Variants in CLEC16A observed in about 807,000 individuals in gnomAD.
The protein encoded by CLEC16A is C-type lectin domain containing 16A, also known as protein CLEC16A.
In CLEC16A, 51 loss-of-function variants were observed where a neutral mutation model predicts 109.5. That is an observed-to-expected ratio of 0.47 (90% CI 0.37 to 0.59). The LOEUF (loss-of-function observed/expected upper bound fraction) is 0.59. Ranked by LOEUF, CLEC16A falls within the 20% of genes least tolerant of loss-of-function variation. The pLI, the probability that CLEC16A is intolerant of heterozygous loss-of-function variation, is 0.00. For synonymous variants in CLEC16A, 673 were observed against 564.2 expected (o/e 1.19, Z -2.73); for missense variants, 1,339 against 1,394.0 (o/e 0.96, Z 0.63).
intron 17 of CLEC16A, among the ~76,000 whole-genome samples, chr16:11,050,783 A>G (rs550918427): frequency 6.6e-6 from 1 of 152,330 alleles, no homozygotes; most frequent in African/African-American, 2.4e-5. Flanking sequence ...GTCCAGCAGG[A>G]GGTGATCCCA....
At chr16:11,053,014 G>A (rs1006041150) in intron 18 of CLEC16A, among the ~76,000 whole-genome samples, 1 of 151,380 alleles carries the variant, frequency 6.6e-6, no homozygotes, top group Non-Finnish European at 1.5e-5. Context: ...CCACCTCAGC[G>A]TCGGTAGCTG....
chr16:11,133,149 G>A (rs745361876), intron 22 of CLEC16A, among the ~76,000 whole-genome samples: 23 of 152,080 alleles, frequency 1.5e-4, no homozygotes, highest in African/African-American at 4.6e-4. Context: ...GACCAGCCTG[G>A]CCGACATGGC....
chr16:11,014,424 T>G (rs1301397659), intron 11 of CLEC16A, among the ~76,000 whole-genome samples: 1 of 152,234 alleles, frequency 6.6e-6, no homozygotes, highest in African/African-American at 2.4e-5. Context: ...CATGTGCAGT[T>G]GCATACTTCC....
chr16:11,137,334 T>C (rs1279743939), intron 22 of CLEC16A, among the ~76,000 whole-genome samples: 2 of 152,124 alleles, frequency 1.3e-5, no homozygotes, highest in Admixed American at 6.6e-5. Context: ...ATTCTGTATG[T>C]AAGTTGATAA....
At chr16:11,139,904 C>T (rs2053744081) in intron 22 of CLEC16A, among the ~76,000 whole-genome samples, 2 of 152,196 alleles carry the variant, frequency 1.3e-5, no homozygotes, top group Admixed American at 6.5e-5. Context: ...GTGCTAGGCA[C>T]TGGGCTAGGT....
At chr16:10,977,114 A>C in intron 7 of CLEC16A, 111 bp from the exon 8 acceptor site, 1 of 989,650 alleles carries the variant, frequency 1.0e-6, no homozygotes, top group South Asian at 1.5e-5. Flanking sequence ...TCTTGAGACT[A>C]ACTCAAATAT....
chr16:11,132,024 G>C (rs1458134116), intron 22 of CLEC16A, among the ~76,000 whole-genome samples: 2 of 152,200 alleles, frequency 1.3e-5, no homozygotes, highest in Non-Finnish European at 2.9e-5. Context: ...CCTTCCCTGA[G>C]TGCCCAGGTC....
rs745981827 is a variant in CLEC16A at position 10,982,893 on chromosome 16, C to T, written c.973C>T (p.His325Tyr). ...YLLSQVFLII[H>Y]HAPLVNSLAE... ...TTTCCGCCAGGTCTTCTTAATTATA[C>T]ATCATGCACCGCTGGTGAACTCGTT... The change falls in exon 10 of 24, where the codon CAT (histidine) becomes TAT (tyrosine). Residue 325 changes from histidine (H) to tyrosine (Y), a missense_variant. This residue lies in a region of CLEC16A where 1,061 missense variants were observed against 1,006.8 expected (regional missense o/e 1.05). Coordinates refer to ENST00000409790, the MANE Select transcript of CLEC16A (RefSeq NM_015226.3). 1.3e-6 allele frequency: 2 copies of T among 1,599,512 alleles called. No individual in the cohort carries two copies. The highest frequency in any genetic ancestry group is 1.7e-6 in the Non-Finnish European group (2 of 1,167,612).
At chr16:11,135,288 G>A (rs1446177836) in intron 22 of CLEC16A, among the ~76,000 whole-genome samples, 1 of 152,122 alleles carries the variant, frequency 6.6e-6, no homozygotes, top group Admixed American at 6.5e-5. Flanking sequence ...AGCAGCTGTG[G>A]AGAGAGAGAG....
chr16:11,092,754 G>T (rs77766282), intron 19 of CLEC16A, among the ~76,000 whole-genome samples: 3,327 of 152,296 alleles, frequency 0.022, 78 homozygotes, highest in Middle Eastern at 0.14. Flanking sequence ...TGAGGACTGG[G>T]TCTGTCGTCT....
At position 11,181,263 on chromosome 16, in the gene CLEC16A, A is replaced by G. The variant is rs997331911; in HGVS notation, c.*2573A>G. 1 of 152,194 alleles carries G rather than the reference A, an allele frequency of 6.6e-6. No homozygotes were observed. The highest frequency in any genetic ancestry group is 1.5e-5 in the Non-Finnish European group (1 of 68,106). 9.4% of individuals were successfully genotyped at this position (152,194 alleles called of 1,614,324 possible). On this transcript the variant is annotated 3_prime_UTR_variant, in exon 24 of 24. Transcript: ENST00000409790. ...TAGCTGGGGCGCTCCCAGACAGGCC[A>G]GTCCAGACAGGACACGCTGGGCCCC...
intron 19 of CLEC16A, among the ~76,000 whole-genome samples, chr16:11,073,700 C>T (rs2049194620): frequency 6.6e-6 from 1 of 152,194 alleles, no homozygotes; most frequent in Non-Finnish European, 1.5e-5. Context: ...GGATGGCCCT[C>T]CCAGCCTCCT....
Position 11,132,169 on chromosome 16 carries a change from G to A in CLEC16A, c.2641+6023G>A, listed in dbSNP as rs913202931. ...GATTGTGCCATCATCCTCTCCTCTA[G>A]TTCCAAAACATTTCCATCCCCTCAA... On this transcript the variant is annotated intron_variant, in intron 22 of 23. Coordinates refer to ENST00000409790, the MANE Select transcript of CLEC16A (RefSeq NM_015226.3). 1.5e-4 allele frequency among the ~76,000 whole-genome samples: 23 copies of A among 151,904 alleles called. No individual in the cohort carries two copies. The East Asian group carries it at 4.5e-3, about 29-fold the overall frequency.
At chr16:11,056,287 G>A (rs2152893912) in intron 18 of CLEC16A, among the ~76,000 whole-genome samples, 1 of 152,328 alleles carries the variant, frequency 6.6e-6, no homozygotes, top group South Asian at 2.1e-4. Context: ...TCCCTCGTGG[G>A]TCTTGCCTCT....
At chr16:10,991,634 C>T (rs958881508) in intron 10 of CLEC16A, among the ~76,000 whole-genome samples, 5 of 152,092 alleles carry the variant, frequency 3.3e-5, no homozygotes, top group Admixed American at 1.3e-4. Context: ...GGAACCTCTT[C>T]GTCTTTGTGT....
At chr16:11,160,090 G>A (rs1193522752) in intron 22 of CLEC16A, among the ~76,000 whole-genome samples, 1 of 152,090 alleles carries the variant, frequency 6.6e-6, no homozygotes, top group Non-Finnish European at 1.5e-5. Context: ...TATAATCTCA[G>A]GTAGTTTTCA....
At chr16:10,979,043 G>A (rs978292474) in intron 8 of CLEC16A, among the ~76,000 whole-genome samples, 2 of 152,032 alleles carry the variant, frequency 1.3e-5, no homozygotes. Flanking sequence ...ACAAATGAAC[G>A]TGCTTGGTAA....
In CLEC16A at chr16:11,090,255, T is replaced by C. The variant is rs567964697; in HGVS notation, c.2116+29233T>C. On this transcript the variant is annotated intron_variant, in intron 19 of 23. Transcript: ENST00000409790. The stretch of plus-strand genomic sequence containing the variant: ...TTAAAAAATAGAAACAGGGACTCGC[T>C]ATGTTGCCCAGTCTGGTCTCGAACT... 5.9e-5 allele frequency among the ~76,000 whole-genome samples: 9 copies of C among 152,240 alleles called. No individual in the cohort carries two copies. The South Asian group carries it at 1.9e-3, about 32-fold the overall frequency.
intron 10 of CLEC16A, among the ~76,000 whole-genome samples, chr16:10,984,868 G>A (rs773255538): frequency 1.3e-5 from 2 of 152,150 alleles, no homozygotes; most frequent in Non-Finnish European, 2.9e-5. Context: ...AACAGGCAGC[G>A]CAAGCCCTGC....
Sources: allele counts gnomAD v4.1 joint callset (sites outside exome capture counted in the v4.1 genomes callset), GRCh38; gene constraint gnomAD v4.1.1; regional missense constraint gnomAD v4.1.1; transcripts MANE v1.5; gene names NCBI Gene and HGNC (gene_info 2026-07-23, HGNC 2026-07-21).